The following DAB1 variants were observed in gnomAD, a reference collection of about 807,000 sequenced individuals.
The protein encoded by DAB1 is DAB adaptor protein 1, also known as disabled homolog 1.
Under a neutral mutation model 64.6 loss-of-function variants are expected in DAB1, and 15 were observed. The observed-to-expected ratio is 0.23, with a 90% confidence interval of 0.16 to 0.36. The LOEUF is 0.36. Ranked by LOEUF, DAB1 falls within the 10% of genes least tolerant of loss-of-function variation. The pLI is 1.00. For missense variants in DAB1, 596 were observed against 706.7 expected, an observed-to-expected ratio of 0.84 and a Z score of 1.78; for synonymous variants, 235 against 251.9, an observed-to-expected ratio of 0.93 and a Z score of 0.64.
intron 2 of DAB1, among the ~76,000 whole-genome samples, chr1:57,213,902 G>A (rs1156451289): frequency 6.6e-6 from 1 of 152,104 alleles, no homozygotes; most frequent in Non-Finnish European, 1.5e-5. Flanking sequence ...CATGTACTTA[G>A]GCAAGCCCCA....
intron 5 of DAB1, among the ~76,000 whole-genome samples, chr1:57,956,956 G>A (rs1645406763): frequency 6.6e-6 from 1 of 152,158 alleles, no homozygotes; most frequent in Admixed American, 6.6e-5. Context: ...ACCAGAGCTT[G>A]TTTCTTTGCA....
intron 9 of DAB1, among the ~76,000 whole-genome samples, chr1:57,045,574 T>C (rs1410126945): frequency 6.6e-6 from 1 of 152,178 alleles, no homozygotes; most frequent in Non-Finnish European, 1.5e-5. Context: ...GGCACATGTC[T>C]GTAATCCCAG....
rs1049003277 is a variant in DAB1, at chr1:57,542,664, G to A, written n.625+106928C>T. ...TTAAGCAGTTCCTTAAGCAAGGCAA[G>A]CTAAGGATGCTCAGTTTTTCATTCT... is the stretch of plus-strand genomic sequence containing the variant. On this transcript the variant is annotated intron_variant and non_coding_transcript_variant, in intron 7 of 20. Coordinates refer to the DAB1 transcript ENST00000485760. Among the ~76,000 whole-genome samples the A allele has an allele frequency of 2.0e-5, 3 of 152,110 alleles. No homozygotes were observed. The South Asian group carries it at 6.2e-4, about 32-fold the overall frequency.
intron 9 of DAB1, among the ~76,000 whole-genome samples, chr1:57,043,029 T>C (rs1010297382): frequency 6.6e-6 from 1 of 152,168 alleles, no homozygotes; most frequent in African/African-American, 2.4e-5. Flanking sequence ...GAAAAAGTTA[T>C]AAGAACAGGG....
chr1:58,402,229 C>A, intron 3 of DAB1, among the ~76,000 whole-genome samples: 2 of 152,232 alleles, frequency 1.3e-5, no homozygotes, highest in East Asian at 3.9e-4. Flanking sequence ...ACAGGACCAG[C>A]CGTGTTTCCT....
intron 5 of DAB1, among the ~76,000 whole-genome samples, chr1:58,055,390 C>G (rs574322557): frequency 6.6e-6 from 1 of 152,214 alleles, no homozygotes; most frequent in African/African-American, 2.4e-5. Flanking sequence ...CCATTTAGAT[C>G]TGTGCTCACA....
chr1:58,512,105 T>C (rs1474126065), intron 2 of DAB1, among the ~76,000 whole-genome samples: 1 of 152,178 alleles, frequency 6.6e-6, no homozygotes, highest in Non-Finnish European at 1.5e-5. Flanking sequence ...AATAGACATT[T>C]CTTCAAAAAA....
chr1:57,924,086 T>C (rs1285241899), intron 5 of DAB1, among the ~76,000 whole-genome samples: 1 of 152,176 alleles, frequency 6.6e-6, no homozygotes, highest in Non-Finnish European at 1.5e-5. Flanking sequence ...TAAATAACCT[T>C]TGTATAGCAC....
rs181638048 is a variant in DAB1, at chr1:58,005,769, A to T, written n.388-121607T>A. On this transcript the variant is annotated intron_variant and non_coding_transcript_variant, in intron 5 of 20. Transcript: ENST00000485760. ...TAATAATAATAATAGTGATGATGAC[A>T]ATAGCTCCCATTGTTTAAAAATTAA... 1.2e-3 allele frequency among the ~76,000 whole-genome samples: 189 copies of T among 152,274 alleles called. 1 individual carries two copies. The highest frequency in any genetic ancestry group is 2.4e-3 in the Non-Finnish European group (160 of 68,022).
intron 3 of DAB1, among the ~76,000 whole-genome samples, chr1:58,433,599 GTGTGTGTGTGTGTGTGTGTGTT>G (rs1644905313): frequency 8.9e-6 from 1 of 112,084 alleles, no homozygotes; most frequent in Non-Finnish European, 1.7e-5. Flanking sequence ...GAGAGAGAGT[GTGTGTGTGTGTGTGTGTGTGTT>G]TGTGTGTGTG....
intron 7 of DAB1, among the ~76,000 whole-genome samples, chr1:57,477,650 G>A (rs1192926422): frequency 6.6e-6 from 1 of 152,120 alleles, no homozygotes; most frequent in Non-Finnish European, 1.5e-5. Flanking sequence ...AAACCATGTT[G>A]CAGAGGCCAA....
At position 57,708,173 on chromosome 1, in the gene DAB1, A is replaced by G. The variant is rs561547823; in HGVS notation, n.552-58508T>C. 1.0e-3 allele frequency among the ~76,000 whole-genome samples: 152 copies of G among 152,324 alleles called. 1 individual carries two copies. The highest frequency in any genetic ancestry group is 3.5e-3 in the African/African-American group (146 of 41,582). On this transcript the variant is annotated intron_variant and non_coding_transcript_variant, in intron 6 of 20. Coordinates refer to the DAB1 transcript ENST00000485760. ...AAGGCCCAAGACCACTTCAGTCAAC[A>G]GGTGGTGAATTCTGCCTGGATTGGG...
intron 2 of DAB1, among the ~76,000 whole-genome samples, chr1:57,222,901 T>G (rs545900776): frequency 2.9e-4 from 44 of 152,196 alleles, no homozygotes; most frequent in Admixed American, 5.2e-4. Flanking sequence ...TTGCACTTGT[T>G]CATACTTTAT....
At chr1:57,787,430 T>C (rs893400821) in intron 6 of DAB1, among the ~76,000 whole-genome samples, 1 of 152,002 alleles carries the variant, frequency 6.6e-6, no homozygotes, top group Non-Finnish European at 1.5e-5. Context: ...GAGAGAATAG[T>C]TTTTTCAAAT....
chr1:57,815,203 G>T (rs985237801), intron 6 of DAB1, among the ~76,000 whole-genome samples: 1 of 151,916 alleles, frequency 6.6e-6, no homozygotes, highest in Non-Finnish European at 1.5e-5. Flanking sequence ...AGAGCAGCTT[G>T]GACTACAGGC....
intron 1 of DAB1, among the ~76,000 whole-genome samples, chr1:58,541,293 C>CAAAAAAAAAAAA (rs71043292): frequency 7.3e-5 from 2 of 27,572 alleles, no homozygotes; most frequent in Non-Finnish European, 1.4e-4. Context: ...GACTCTGTCT[C>CAAAAAAAAAAAA]AAAAAAAAAA....
chr1:57,754,877 G>A (rs1648729147), intron 6 of DAB1, among the ~76,000 whole-genome samples: 1 of 152,074 alleles, frequency 6.6e-6, no homozygotes. Context: ...TCAAAGCTGA[G>A]CTCCAAGACG....
At chr1:57,489,274 G>A (rs1262516108) in intron 7 of DAB1, among the ~76,000 whole-genome samples, 1 of 152,146 alleles carries the variant, frequency 6.6e-6, no homozygotes. Context: ...AACATCCCAG[G>A]TCAGGCCTTT....
chr1:57,020,610 G>GA (rs1646582563), intron 11 of DAB1, among the ~76,000 whole-genome samples: 1 of 152,138 alleles, frequency 6.6e-6, no homozygotes, highest in South Asian at 2.1e-4. Flanking sequence ...CCAGGTAAAG[G>GA]AAAAAATATA....
Sources: gnomAD v4.1 joint callset for allele counts (sites outside exome capture counted in the v4.1 genomes callset) on GRCh38, gnomAD v4.1.1 for gene constraint, MANE v1.5 for transcripts, NCBI Gene and HGNC (gene_info 2026-07-23, HGNC 2026-07-21) for gene names.